Variants in GALNT9 observed in about 807,000 individuals in gnomAD.
GALNT9 encodes the protein GalNAc transferase 9.
In GALNT9, 47 loss-of-function variants were observed where a neutral mutation model predicts 63.1. The observed-to-expected ratio is 0.75, with a 90% CI of 0.59 to 0.95. GALNT9 has a LOEUF of 0.95. Ranked by LOEUF, GALNT9 falls within the 40% of genes least tolerant of loss-of-function variation. GALNT9 has a pLI of 0.00. For synonymous variants in GALNT9, 396 were observed against 365.7 expected (o/e 1.08, Z -0.94); for missense variants, 829 against 874.8 (o/e 0.95, Z 0.66).
rs764631268 is a variant in GALNT9 at position 132,203,685 on chromosome 12, C to G, written c.1083G>C (p.Trp361Cys). The change falls in exon 7 of 11, where the codon TGG becomes TGC. Residue 361 changes from tryptophan to cysteine, a missense_variant. Coordinates refer to ENST00000328957, the MANE Select transcript of GALNT9 (RefSeq NM_001122636.2). The part of the protein sequence containing the change: ...GENVELGMRV[W>C]QCGGSMEVLP... ...GCACCTCCATGCTGCCGCCACACTG[C>G]CACACCTGCGGGGAGACGGCGCTGG... 1.2e-6 allele frequency: 2 copies of G among 1,612,156 alleles called. No individual in the cohort carries two copies. Among genetic ancestry groups the G allele is most frequent in the Non-Finnish European group, 1.7e-6 (2 of 1,179,592 alleles).
intron 5 of GALNT9, among the ~76,000 whole-genome samples, chr12:132,251,128 G>T (rs144150757): frequency 1.3e-5 from 2 of 152,192 alleles, no homozygotes; most frequent in Non-Finnish European, 2.9e-5. Flanking sequence ...CACGGTACAC[G>T]TACGTGCAGA....
chr12:132,323,495 T>C (rs1239840580), intron 1 of GALNT9, among the ~76,000 whole-genome samples: 1 of 152,138 alleles, frequency 6.6e-6, no homozygotes, highest in Non-Finnish European at 1.5e-5. Flanking sequence ...ACGGGCTGAG[T>C]GGCTCTGAGT....
chr12:132,305,614 C>CCTCACCCGGGCACAA (rs1881576577), intron 1 of GALNT9, among the ~76,000 whole-genome samples: 2 of 132,420 alleles, frequency 1.5e-5, no homozygotes, highest in Non-Finnish European at 3.2e-5. Flanking sequence ...CCCGGGCACA[C>CCTCACCCGGGCACAA]CCTCACCCGG....
intron 2 of GALNT9, chr12:132,278,546 G>A (rs1880202583): frequency 6.6e-6 from 1 of 152,256 alleles, no homozygotes; most frequent in Non-Finnish European, 1.5e-5. Context: ...CAGGGCGGTG[G>A]AGAGAGCCAA....
At position 132,204,032 on chromosome 12, in the gene GALNT9, A is replaced by AC. The variant is rs529657548; in HGVS notation, c.1078-343dup. On this transcript the variant is annotated intron_variant, in intron 6 of 10. Coordinates refer to ENST00000328957, the MANE Select transcript of GALNT9 (RefSeq NM_001122636.2). ...CCCCAGTGCTTGTTCTGTGCAGGGA[A>AC]CCCCCCGCCCCACTGCACCAGCCAC... is the stretch of plus-strand genomic sequence containing the variant. Among the ~76,000 whole-genome samples, 155 of 144,194 alleles carry AC rather than the reference A, an allele frequency of 1.1e-3. No individual in the cohort carries two copies. The East Asian group carries it at 0.017, about 16-fold the overall frequency. 94.6% of individuals were successfully genotyped at this position (144,194 alleles called of 152,430 possible). A position where few individuals can be genotyped will look rare whatever the true frequency, so the allele number is the denominator to read the frequency against.
At chr12:132,219,312 G>A (rs947307539) in intron 6 of GALNT9, among the ~76,000 whole-genome samples, 2 of 152,204 alleles carry the variant, frequency 1.3e-5, no homozygotes, top group Admixed American at 1.3e-4. Context: ...ACCCTCCCCT[G>A]CCGTTTCAGA....
intron 6 of GALNT9, chr12:132,247,651 C>CA (rs1555238115): frequency 2.5e-6 from 1 of 404,684 alleles, no homozygotes; most frequent in African/African-American, 2.4e-5. Flanking sequence ...GCCATGGCCG[C>CA]ACTCGCCCTC....
At chr12:132,312,008 C>T (rs1881831880) in intron 1 of GALNT9, among the ~76,000 whole-genome samples, 1 of 152,216 alleles carries the variant, frequency 6.6e-6, no homozygotes, top group Non-Finnish European at 1.5e-5. Flanking sequence ...TAATGTCTCT[C>T]TCTCCCAGCT....
At position 132,329,363 on chromosome 12, in the gene GALNT9, G is replaced by T; in HGVS notation, c.-160C>A. On this transcript the variant is annotated 5_prime_UTR_variant, in exon 1 of 11. Transcript: ENST00000328957. ...CCTTCAGCACCAGCTCAGCGCGCCGGGCCACGGCCGCCGGGGGTCCCCCAG... is the reference window on the plus strand; with the variant it reads ...CCTTCAGCACCAGCTCAGCGCGCCGTGCCACGGCCGCCGGGGGTCCCCCAG... The T allele has an allele frequency of 9.0e-7, 1 of 1,116,392 alleles. No homozygotes were observed. The highest frequency in any genetic ancestry group is 1.2e-6 in the Non-Finnish European group (1 of 852,280). The allele number at this position is 1,116,392 out of a possible 1,614,324, so 69.2% of individuals were successfully genotyped here. A position where few individuals can be genotyped will look rare whatever the true frequency, so the allele number is the denominator to read the frequency against.
intron 1 of GALNT9, among the ~76,000 whole-genome samples, chr12:132,309,274 G>A (rs1365216220): frequency 6.6e-6 from 1 of 152,176 alleles, no homozygotes; most frequent in South Asian, 2.1e-4. Flanking sequence ...GGCTGGAGTG[G>A]ATGATGGCCC....
At chr12:132,256,509 T>C (rs1420235874) in intron 5 of GALNT9, among the ~76,000 whole-genome samples, 1 of 149,124 alleles carries the variant, frequency 6.7e-6, no homozygotes, top group Non-Finnish European at 1.5e-5. Flanking sequence ...TACGCATGTC[T>C]CATTTATTTT....
chr12:132,197,912 G>A lies in GALNT9; in HGVS notation c.1545C>T (p.Gly515=), dbSNP rs1442063836. The A allele has an allele frequency of 1.9e-6, 3 of 1,611,576 alleles. No individual in the cohort carries two copies. The change falls in exon 10 of 11, where the codon GGC becomes GGT. Residue 515 remains glycine, a synonymous_variant. Transcript: ENST00000328957. ...ADGLLQLGPL[G]STAFLPDSKC... is the part of the protein sequence containing the mutation. ...TGGAGTCAGGCAAGAAGGCTGTGGA[G>A]CCCAGAGGCCCCAGCTGCAGCAGTC... is the stretch of plus-strand genomic sequence containing the variant.
At position 132,246,000 on chromosome 12, in the gene GALNT9, G is replaced by A. The variant is rs542984051; in HGVS notation, c.1077+1910C>T. Reference sequence around the variant, plus strand: ...GCACCCTCCCCAGGCTGTCCTCCTCGTCTCTGCGGTGCGTTCCATCCCTCT... The same window carrying A: ...GCACCCTCCCCAGGCTGTCCTCCTCATCTCTGCGGTGCGTTCCATCCCTCT... On this transcript the variant is annotated intron_variant, in intron 6 of 10. Coordinates refer to ENST00000328957, the MANE Select transcript of GALNT9 (RefSeq NM_001122636.2). The surrounding 1 kb of genome is among the most constrained non-coding windows in gnomAD (Gnocchi z 6.3). Among the ~76,000 whole-genome samples, 4 of 152,302 alleles carry A rather than the reference G, an allele frequency of 2.6e-5. No homozygotes were observed. Among genetic ancestry groups the A allele is most frequent in the South Asian group, 2.1e-4 (1 of 4,826 alleles).
intron 1 of GALNT9, among the ~76,000 whole-genome samples, chr12:132,297,033 C>G (rs782794775): frequency 4.7e-5 from 7 of 150,172 alleles, no homozygotes; most frequent in Non-Finnish European, 7.4e-5. Flanking sequence ...TCCTGAGATA[C>G]CCAAACTCAC....
At chr12:132,290,362 T>A (rs1000531919) in intron 1 of GALNT9, among the ~76,000 whole-genome samples, 2 of 152,084 alleles carry the variant, frequency 1.3e-5, no homozygotes. Context: ...GCCCCACCCC[T>A]GCGGCACCAT....
chr12:132,256,262 C>T (rs115179385), intron 5 of GALNT9, among the ~76,000 whole-genome samples: 2,410 of 152,012 alleles, frequency 0.016, 60 homozygotes, highest in African/African-American at 0.055. Context: ...TTTTGCCTTC[C>T]GTGGAATTCT....
chr12:132,273,113 T>A (rs1478829883), intron 2 of GALNT9: 1 of 152,222 alleles, frequency 6.6e-6, no homozygotes, highest in African/African-American at 2.4e-5. Flanking sequence ...GCTTCCGGAC[T>A]CTCCTTCTTT....
intron 1 of GALNT9, among the ~76,000 whole-genome samples, chr12:132,321,982 C>T (rs1379148316): frequency 4.0e-5 from 6 of 151,738 alleles, no homozygotes; most frequent in African/African-American, 1.2e-4. Flanking sequence ...GCCTCGGCCC[C>T]CAAGGGGCGT....
rs1009251337 is a variant in GALNT9 at position 132,319,963 on chromosome 12, G to T, written c.238+9003C>A. Among the ~76,000 whole-genome samples, 12 of 152,180 alleles carry T rather than the reference G, an allele frequency of 7.9e-5. No homozygotes were observed. Among genetic ancestry groups the T allele is most frequent in the Admixed American group, 2.0e-4 (3 of 15,286 alleles). On this transcript the variant is annotated intron_variant, in intron 1 of 10. Transcript: ENST00000328957. The surrounding 1 kb of genome is among the most constrained non-coding windows in gnomAD (Gnocchi z 5.2). The stretch of plus-strand genomic sequence containing the variant: ...TCCTAAGGAAAAGGGGGCGGCCAGC[G>T]GCCCCCACCGCTGGGTCACGCTATC...
Sources: allele counts gnomAD v4.1 joint callset (sites outside exome capture counted in the v4.1 genomes callset), GRCh38; gene constraint gnomAD v4.1.1; non-coding constraint Gnocchi (gnomAD v3.1); transcripts MANE v1.5; gene names NCBI Gene and HGNC (gene_info 2026-07-23, HGNC 2026-07-21).